TMEM63B: variants seen among roughly 807,000 people sequenced by gnomAD.
TMEM63B encodes mechanosensitive cation channel TMEM63B.
In TMEM63B, 23 loss-of-function variants were observed where a neutral mutation model predicts 102.6. The ratio of observed to expected loss-of-function variants is 0.22; its 90% CI spans 0.16 to 0.32. The LOEUF is 0.32. TMEM63B is among the 10% of genes least tolerant of loss of function. The probability of loss-of-function intolerance (pLI) is 1.00; values close to 1 mark genes in which losing one functional copy is unlikely to be tolerated. For synonymous variants in TMEM63B, 444 were observed against 437.0 expected, an observed-to-expected ratio of 1.02 and a Z score of -0.20; for missense variants, 628 against 1,095.9, an observed-to-expected ratio of 0.57 and a Z score of 6.03.
rs773513674 is a variant in TMEM63B, at chr6:44,154,846, G to T, written c.2462G>T (p.Cys821Phe). Residue 821 changes from cysteine to phenylalanine, a missense_variant, in exon 24 of 24, where the codon TGC (cysteine) becomes TTC (phenylalanine). Cys to Phe is a radical substitution (Grantham distance 205). Transcript: ENST00000323267. ...DALTDTDFQS[C>F]EDSLIENEIH... ...CTCACGGACACAGACTTCCAGTCTT[G>T]CGAGGACAGCCTCATAGAGAATGAG... 6.2e-7 allele frequency: 1 copy of T among 1,605,536 alleles called. No homozygotes were observed. The highest frequency in any genetic ancestry group is 1.3e-5 in the African/African-American group (1 of 74,642).
intron 18 of TMEM63B, 108 bp from the exon 19 acceptor site, chr6:44,151,738 G>C: frequency 1.5e-6 from 2 of 1,335,988 alleles, no homozygotes; most frequent in Non-Finnish European, 2.1e-6. Context: ...TGTCCACATG[G>C]AAGAAGCATG....
rs1325115252 is a variant in TMEM63B at position 44,150,874 on chromosome 6, A to T, written c.1673+245A>T. On this transcript the variant is annotated intron_variant, in intron 18 of 23. Transcript: ENST00000323267. This position sits in a 1 kb window ranked among gnomAD's most constrained non-coding sequence, Gnocchi z 4.7. ...GGTAACCTGTTTGGATGCTAAGATC[A>T]TCCTCAAGGTATATTTGGGGCTTGG... 6.6e-6 allele frequency among the ~76,000 whole-genome samples: 1 copy of T among 152,138 alleles called. No individual in the cohort carries two copies.
chr6:44,150,269 C>T lies in TMEM63B; in HGVS notation c.1566C>T (p.Leu522=). The change falls in exon 17 of 24, where the codon CTC becomes CTT. Residue 522 remains leucine, a synonymous_variant. Transcript: ENST00000323267. The surrounding 1 kb of genome is among the most constrained non-coding windows in gnomAD (Gnocchi z 4.7). ...CCATGCACAAGTGCTACACTTTCCTCATCTTCATGGTGCTGCTCCTACCCT... is the reference window on the plus strand; with the variant it reads ...CCATGCACAAGTGCTACACTTTCCTTATCTTCATGGTGCTGCTCCTACCCT... ...RTTMHKCYTF[L]IFMVLLLPSL... 6.2e-7 allele frequency: 1 copy of T among 1,614,088 alleles called. No individual in the cohort carries two copies. Among genetic ancestry groups the T allele is most frequent in the East Asian group, 2.2e-5 (1 of 44,882 alleles).
chr6:44,149,817 C>G, intron 15 of TMEM63B, 42 bp from the exon 16 acceptor site: 1 of 1,542,836 alleles, frequency 6.5e-7, no homozygotes, highest in Non-Finnish European at 8.8e-7. Context: ...ACCTGGGCCC[C>G]CTAGACTGCC....
At chr6:44,147,764 C>A (rs889575959) in intron 12 of TMEM63B, among the ~76,000 whole-genome samples, 2 of 152,224 alleles carry the variant, frequency 1.3e-5, no homozygotes, top group African/African-American at 4.8e-5. Context: ...GCCTCAGTTT[C>A]CTCATGGGGT....
At chr6:44,130,641 G>T (rs1778087207) in intron 1 of TMEM63B, among the ~76,000 whole-genome samples, 1 of 151,816 alleles carries the variant, frequency 6.6e-6, no homozygotes, top group South Asian at 2.1e-4. Context: ...TGTAGAGACG[G>T]GGTTTTGCTA....
At chr6:44,134,048 G>T (rs1762447692) in intron 1 of TMEM63B, among the ~76,000 whole-genome samples, 1 of 152,162 alleles carries the variant, frequency 6.6e-6, no homozygotes, top group Non-Finnish European at 1.5e-5. Context: ...CTAACCAAAT[G>T]AAATCATGCC....
intron 8 of TMEM63B, 122 bp downstream of exon 8, chr6:44,139,881 C>A: frequency 8.1e-7 from 1 of 1,234,090 alleles, no homozygotes. Context: ...GGCTATGGGT[C>A]CCTGAGGGCT....
intron 1 of TMEM63B, among the ~76,000 whole-genome samples, chr6:44,129,326 G>A (rs1180815572): frequency 7.4e-5 from 11 of 148,054 alleles, no homozygotes; most frequent in Non-Finnish European, 1.5e-5. Flanking sequence ...CGAGATTGTG[G>A]CACTTCACTC....
intron 20 of TMEM63B, among the ~76,000 whole-genome samples, chr6:44,153,405 G>T (rs1168750085): frequency 1.3e-5 from 2 of 152,220 alleles, no homozygotes; most frequent in East Asian, 3.8e-4. Context: ...AGAGAAAAAT[G>T]ATACGGGTTT....
chr6:44,142,399 G>A (rs957034323), intron 10 of TMEM63B, among the ~76,000 whole-genome samples: 15 of 151,818 alleles, frequency 9.9e-5, no homozygotes, highest in South Asian at 2.1e-4. Flanking sequence ...GCATGGTGGC[G>A]CGTACCAGTA....
intron 3 of TMEM63B, 93 bp downstream of exon 3, chr6:44,135,189 C>T (rs977609078): frequency 1.3e-6 from 2 of 1,579,380 alleles, no homozygotes; most frequent in African/African-American, 1.3e-5. Flanking sequence ...CTCTCATTCC[C>T]CTTTGCTGGG....
rs1162300213 is a variant in TMEM63B, at chr6:44,140,261, G to A, written c.612G>A (p.Leu204=). 6.2e-7 allele frequency: 1 copy of A among 1,613,840 alleles called. No individual in the cohort carries two copies. Among genetic ancestry groups the A allele is most frequent in the Non-Finnish European group, 8.5e-7 (1 of 1,179,848 alleles). The part of the protein sequence containing the change: ...TIANLKSGNN[L]LWLHTSFAFL... ...TCTCTGCTTCTCCCAGGAACAACCTGCTATGGCTGCACACCTCCTTCGCCT... is the reference window on the plus strand; with the variant it reads ...TCTCTGCTTCTCCCAGGAACAACCTACTATGGCTGCACACCTCCTTCGCCT... Residue 204 remains leucine, a synonymous_variant, in exon 9 of 24, where the codon CTG becomes CTA. Coordinates refer to ENST00000323267, the MANE Select transcript of TMEM63B (RefSeq NM_018426.3).
rs1298570462 is a variant in TMEM63B, at chr6:44,148,869, T to C, written c.1337T>C (p.Phe446Ser). 1 of 1,614,044 alleles carries C rather than the reference T, an allele frequency of 6.2e-7. No individual in the cohort carries two copies. Among genetic ancestry groups the C allele is most frequent in the East Asian group, 2.2e-5 (1 of 44,880 alleles). ...VINVVLFILLFFLTTPAIIIT... is the reference protein window; with the variant it reads ...VINVVLFILLSFLTTPAIIIT... The stretch of plus-strand genomic sequence containing the variant: ...AATGTCGTCCTCTTCATCCTCCTCT[T>C]CTTCCTCACCACTCCAGCCATCATC... Residue 446 changes from phenylalanine to serine, a missense_variant, in exon 15 of 24, where the codon TTC becomes TCC. This residue lies in a region of TMEM63B where 336 missense variants were observed against 580.3 expected (regional missense o/e 0.58). Transcript: ENST00000323267. The surrounding 1 kb of genome is among the most constrained non-coding windows in gnomAD (Gnocchi z 5.1).
chr6:44,140,082 G>A (rs1485965165), intron 8 of TMEM63B, among the ~76,000 whole-genome samples, 170 bp from the exon 9 acceptor site: 2 of 152,194 alleles, frequency 1.3e-5, no homozygotes, highest in East Asian at 3.9e-4. Flanking sequence ...GAATTTTGGT[G>A]TCTAGGGGAT....
Position 44,154,793 on chromosome 6 carries a change from T to C in TMEM63B, c.2409T>C (p.Asp803=). The C allele has an allele frequency of 6.2e-7, 1 of 1,610,516 alleles. No homozygotes were observed. Among genetic ancestry groups the C allele is most frequent in the Non-Finnish European group, 8.5e-7 (1 of 1,179,170 alleles). The change falls in exon 24 of 24, where the codon GAT becomes GAC. Residue 803 remains aspartate (D), a synonymous_variant. Coordinates refer to ENST00000323267, the MANE Select transcript of TMEM63B (RefSeq NM_018426.3). The part of the protein sequence containing the change: ...GDEPPSSSSQ[D]EELLMPPDAL... ...AGCCCCCATCATCCTCATCCCAAGATGAGGAGTTGCTGATGCCACCCGACG... is the reference window on the plus strand; with the variant it reads ...AGCCCCCATCATCCTCATCCCAAGACGAGGAGTTGCTGATGCCACCCGACG...
At chr6:44,129,353 G>A (rs1777844184) in intron 1 of TMEM63B, among the ~76,000 whole-genome samples, 2 of 127,188 alleles carry the variant, frequency 1.6e-5, no homozygotes, top group East Asian at 2.3e-4. Context: ...GGGTGACAGA[G>A]CAAGACTGTC....
Position 44,152,794 on chromosome 6 carries a change from G to A in TMEM63B, c.1942+96G>A. The A allele has an allele frequency of 4.8e-6, 5 of 1,049,756 alleles. No individual in the cohort carries two copies. Among genetic ancestry groups the A allele is most frequent in the Non-Finnish European group, 7.0e-6 (5 of 709,998 alleles). 65.0% of individuals were successfully genotyped at this position (1,049,756 alleles called of 1,614,324 possible). ...AATGCAGGCCACCCCGAGTGGACAG[G>A]GCCCGGCTGGGAGACCGGCCCCTCG... On this transcript the variant is annotated intron_variant, in intron 20 of 23. Coordinates refer to ENST00000323267, the MANE Select transcript of TMEM63B (RefSeq NM_018426.3). The surrounding 1 kb of genome is among the most constrained non-coding windows in gnomAD (Gnocchi z 6.4).
rs1766892869 is a variant in TMEM63B, at chr6:44,152,414, T to C, written c.1837-179T>C. On this transcript the variant is annotated intron_variant, in intron 19 of 23. Coordinates refer to ENST00000323267, the MANE Select transcript of TMEM63B (RefSeq NM_018426.3). This position sits in a 1 kb window ranked among gnomAD's most constrained non-coding sequence, Gnocchi z 6.4. ...CACTGCAACCGCCCTGACCCTCCTC[T>C]CGGCCATAGCCCCTCTCTCCATCTG... Among the ~76,000 whole-genome samples, 1 of 151,806 alleles carries C rather than the reference T, an allele frequency of 6.6e-6. No individual in the cohort carries two copies. Among genetic ancestry groups the C allele is most frequent in the African/African-American group, 2.4e-5 (1 of 41,254 alleles).
Sources: allele counts gnomAD v4.1 joint callset (sites outside exome capture counted in the v4.1 genomes callset), GRCh38; gene constraint gnomAD v4.1.1; regional missense constraint gnomAD v4.1.1; non-coding constraint Gnocchi (gnomAD v3.1); transcripts MANE v1.5; gene names NCBI Gene and HGNC (gene_info 2026-07-23, HGNC 2026-07-21).